TOP6BL: variants seen among roughly 807,000 people sequenced by gnomAD.
The protein encoded by TOP6BL is type 2 DNA topoisomerase 6 subunit B-like.
chr11:66,825,722 G>A, the TOP6BL span, among the ~76,000 whole-genome samples: 1 of 152,214 alleles, frequency 6.6e-6, no homozygotes, highest in Non-Finnish European at 1.5e-5. Flanking sequence ...GACTAAGACA[G>A]TGTCAAAGTG....
chr11:66,796,016 A>G, the TOP6BL span: 1 of 327,148 alleles, frequency 3.1e-6, no homozygotes, highest in Non-Finnish European at 5.6e-6. Flanking sequence ...TTTGTCCCCA[A>G]AGGTGGTTTT....
chr11:66,794,256 T>C, the TOP6BL span, among the ~76,000 whole-genome samples: 1 of 152,076 alleles, frequency 6.6e-6, no homozygotes, highest in Non-Finnish European at 1.5e-5. Context: ...ATATACCTAG[T>C]ACATGGCTGT....
the TOP6BL span, among the ~76,000 whole-genome samples, chr11:66,790,791 A>G: frequency 6.6e-6 from 1 of 152,212 alleles, no homozygotes; most frequent in Admixed American, 6.5e-5. Flanking sequence ...TGAAGAGGTC[A>G]GGGAACTGTG....
chr11:66,750,075 A>C, the TOP6BL span, among the ~76,000 whole-genome samples: 1 of 152,094 alleles, frequency 6.6e-6, no homozygotes, highest in Non-Finnish European at 1.5e-5. Context: ...AGATTTTTCT[A>C]TGCCTACGTT....
chr11:66,772,241 G>A, the TOP6BL span, among the ~76,000 whole-genome samples: 1 of 152,148 alleles, frequency 6.6e-6, no homozygotes, highest in Non-Finnish European at 1.5e-5. Context: ...AAATACAATT[G>A]ATGTTTATAT....
chr11:66,765,916 A>G, the TOP6BL span, among the ~76,000 whole-genome samples: 1 of 152,210 alleles, frequency 6.6e-6, no homozygotes, highest in Non-Finnish European at 1.5e-5. Context: ...TGGTTTATGC[A>G]CCATTAATTA....
At chr11:66,807,590 C>A in the TOP6BL span, among the ~76,000 whole-genome samples, 5 of 151,906 alleles carry the variant, frequency 3.3e-5, no homozygotes, top group South Asian at 2.1e-4. Flanking sequence ...AACAAACAAA[C>A]AAAAAAATCA....
the TOP6BL span, among the ~76,000 whole-genome samples, chr11:66,837,370 G>A: frequency 6.6e-6 from 1 of 151,706 alleles, no homozygotes; most frequent in Non-Finnish European, 1.5e-5. Flanking sequence ...GTCATGATCC[G>A]CCTGCCTCGG....
At chr11:66,770,319 C>T in the TOP6BL span, among the ~76,000 whole-genome samples, 1 of 152,108 alleles carries the variant, frequency 6.6e-6, no homozygotes, top group Admixed American at 6.6e-5. Context: ...ACTAAGACAA[C>T]ATTTATCCTA....
the TOP6BL span, among the ~76,000 whole-genome samples, chr11:66,835,257 CA>C: frequency 2.1e-5 from 3 of 141,620 alleles, no homozygotes; most frequent in Non-Finnish European, 3.1e-5. Context: ...AAGCTAAAGC[CA>C]AAAAAAAAAC....
chr11:66,745,299 C>G, the TOP6BL span, among the ~76,000 whole-genome samples: 4 of 19,620 alleles, frequency 2.0e-4, no homozygotes, highest in East Asian at 5.7e-3. Flanking sequence ...CAAGCCCTGG[C>G]GTTGCGGGGC....
At chr11:66,765,673 G>T in the TOP6BL span, among the ~76,000 whole-genome samples, 1 of 152,026 alleles carries the variant, frequency 6.6e-6, no homozygotes, top group Non-Finnish European at 1.5e-5. Context: ...CTGCCACCAC[G>T]GCCAGCTAAT....
At chr11:66,758,302 C>CTTTTTTTTTTTTTTTTTTTTTT in the TOP6BL span, 10 of 67,328 alleles carry the variant, frequency 1.5e-4, 1 homozygote, top group African/African-American at 2.8e-4. Flanking sequence ...TTTTCTTTTT[C>CTTTTTTTTTTTTTTTTTTTTTT]TTTTTTTTTT....
chr11:66,814,039 A>T, the TOP6BL span: 13 of 1,592,104 alleles, frequency 8.2e-6, no homozygotes, highest in Non-Finnish European at 8.6e-6. Context: ...CTTTCTGCAC[A>T]GGAATTAAGA....
the TOP6BL span, among the ~76,000 whole-genome samples, chr11:66,834,771 T>C: frequency 4.7e-4 from 71 of 152,316 alleles, no homozygotes; most frequent in African/African-American, 1.6e-3. Context: ...AGCCTCGAAC[T>C]CCTGGGCTTA....
chr11:66,783,584 T>G, the TOP6BL span, among the ~76,000 whole-genome samples: 1 of 152,188 alleles, frequency 6.6e-6, no homozygotes. Flanking sequence ...ATGTGTTAAC[T>G]ATGTGGCTTT....
the TOP6BL span, chr11:66,758,962 G>A: frequency 1.8e-6 from 2 of 1,081,220 alleles, no homozygotes; most frequent in South Asian, 1.8e-5. Context: ...TCTGTAAGCA[G>A]TTTTTTAGAC....
chr11:66,809,617 A>G, the TOP6BL span, among the ~76,000 whole-genome samples: 1 of 152,338 alleles, frequency 6.6e-6, no homozygotes, highest in African/African-American at 2.4e-5. Context: ...GAATTATTGT[A>G]TGCATACTTA....
chr11:66,756,418 C>T, the TOP6BL span: 1 of 1,120,232 alleles, frequency 8.9e-7, no homozygotes. Flanking sequence ...CTGCAACCTC[C>T]ACCTCCCAGG....
Sources: allele counts gnomAD v4.1 joint callset (sites outside exome capture counted in the v4.1 genomes callset), GRCh38; gene constraint gnomAD v4.1.1; transcripts MANE v1.5; gene names NCBI Gene and HGNC (gene_info 2026-07-23, HGNC 2026-07-21).